DYM: variants seen among roughly 807,000 people sequenced by gnomAD.
DYM encodes the protein dymeclin, also known as dyggve-Melchior-Clausen syndrome protein.
DYM carries 78 observed loss-of-function variants against 93.1 expected under a neutral mutation model. That is an observed-to-expected ratio of 0.84 (90% CI 0.70 to 1.01). The LOEUF (loss-of-function observed/expected upper bound fraction) is 1.01. Among genes scored for constraint, DYM ranks in the 50% least tolerant of loss-of-function variants. DYM has a pLI of 0.00. For missense variants in DYM, 789 were observed against 845.0 expected (o/e 0.93, Z 0.82); for synonymous variants, 321 against 319.7 (o/e 1.00, Z -0.04).
chr18:49,446,857 G>A (rs80202074), intron 1 of DYM, among the ~76,000 whole-genome samples: 13,872 of 152,058 alleles, frequency 0.091, 850 homozygotes, highest in East Asian at 0.31. Context: ...TCAGGAGTTC[G>A]AGACCAACCT....
At chr18:49,437,073 T>C (rs1403378011) in intron 1 of DYM, among the ~76,000 whole-genome samples, 2 of 148,704 alleles carry the variant, frequency 1.3e-5, no homozygotes, top group Non-Finnish European at 2.9e-5. Flanking sequence ...TTTCTGTTTA[T>C]TTTATGTTCT....
At chr18:49,181,311 A>G (rs564459813) in intron 14 of DYM, among the ~76,000 whole-genome samples, 1 of 152,306 alleles carries the variant, frequency 6.6e-6, no homozygotes, top group Non-Finnish European at 1.5e-5. Context: ...TATGCCAATG[A>G]AAAAATCTTT....
At chr18:49,404,231 C>G (rs2071190897) in intron 2 of DYM, among the ~76,000 whole-genome samples, 2 of 152,122 alleles carry the variant, frequency 1.3e-5, no homozygotes, top group Non-Finnish European at 2.9e-5. Context: ...TGGTCTCGAA[C>G]TCCTGACCTC....
intron 6 of DYM, among the ~76,000 whole-genome samples, chr18:49,360,797 T>C (rs1433740764): frequency 1.3e-5 from 2 of 152,170 alleles, no homozygotes; most frequent in Non-Finnish European, 1.5e-5. Flanking sequence ...GATAGGTATC[T>C]ATTTTTCTCA....
At chr18:49,084,510 T>A (rs977131484) in intron 17 of DYM, among the ~76,000 whole-genome samples, 4 of 152,202 alleles carry the variant, frequency 2.6e-5, no homozygotes, top group Non-Finnish European at 4.4e-5. Context: ...ATTCTTGCTG[T>A]CTTTCTATCT....
chr18:49,164,788 A>G (rs1458055735), intron 14 of DYM, among the ~76,000 whole-genome samples: 3 of 152,228 alleles, frequency 2.0e-5, no homozygotes, highest in Non-Finnish European at 2.9e-5. Context: ...GAAGATAAAA[A>G]TCAATGAACA....
At chr18:49,370,316 C>T (rs886597553) in intron 5 of DYM, among the ~76,000 whole-genome samples, 8 of 151,324 alleles carry the variant, frequency 5.3e-5, no homozygotes, top group Non-Finnish European at 1.0e-4. Context: ...AGGACTAACT[C>T]CCTCTCTGGG....
chr18:49,289,817 A>ATATATATACACACATATG (rs1568182164), intron 8 of DYM, among the ~76,000 whole-genome samples: 22 of 134,324 alleles, frequency 1.6e-4, no homozygotes, highest in African/African-American at 6.3e-4. Context: ...ATACACATAT[A>ATATATATACACACATATG]TATTTATTTA....
At chr18:49,202,978 A>C (rs1205849565) in intron 14 of DYM, among the ~76,000 whole-genome samples, 1 of 102,676 alleles carries the variant, frequency 9.7e-6, no homozygotes, top group Non-Finnish European at 2.1e-5. Flanking sequence ...CCGCCCGGCC[A>C]GCCGTGCCAT....
At chr18:49,169,755 G>A (rs2088415024) in intron 14 of DYM, among the ~76,000 whole-genome samples, 2 of 152,136 alleles carry the variant, frequency 1.3e-5, no homozygotes, top group Admixed American at 6.5e-5. Context: ...CCACTGACCT[G>A]AGCAATGTGG....
At chr18:49,225,571 A>G (rs1344711864) in intron 13 of DYM, among the ~76,000 whole-genome samples, 1 of 152,148 alleles carries the variant, frequency 6.6e-6, no homozygotes, top group Non-Finnish European at 1.5e-5. Context: ...TCTTTACAAT[A>G]TAACATAACA....
At chr18:49,410,830 G>A (rs1050676819) in intron 2 of DYM, among the ~76,000 whole-genome samples, 6 of 151,990 alleles carry the variant, frequency 3.9e-5, no homozygotes, top group African/African-American at 1.5e-4. Context: ...TGACTTTTGT[G>A]TTATACTTTA....
At position 49,409,475 on chromosome 18, in the gene DYM, C is replaced by G. The variant is rs190077981; in HGVS notation, c.141-17830G>C. 1.8e-3 allele frequency among the ~76,000 whole-genome samples: 271 copies of G among 152,232 alleles called. 3 individuals are homozygous for G. The highest frequency in any genetic ancestry group is 0.017 in the Middle Eastern group (5 of 294). On this transcript the variant is annotated intron_variant, in intron 2 of 17. Transcript: ENST00000675505. ...AACAACCATGGCCTTGATGGTAGAT[C>G]TGCTCTCCACCACAACTCAGGGGAG...
At chr18:49,161,778 G>C (rs2087172229) in intron 15 of DYM, among the ~76,000 whole-genome samples, 2 of 152,188 alleles carry the variant, frequency 1.3e-5, no homozygotes, top group African/African-American at 2.4e-5. Context: ...CACCAGTCAG[G>C]CTGTGGCTGC....
rs373192495 is a variant in DYM, at chr18:49,256,988, T to C, written c.1460+22A>G. On this transcript the variant is annotated intron_variant, in intron 13 of 17. Transcript: ENST00000675505. ...AGCTCAGCCAGAGGCAAATCAGTAT[T>C]TCTTTTAAAGTTCATATTTACCTGA... 15 of 1,589,190 alleles carry C rather than the reference T, an allele frequency of 9.4e-6. No homozygotes were observed. The African/African-American group carries it at 1.9e-4, about 20-fold the overall frequency.
intron 15 of DYM, among the ~76,000 whole-genome samples, chr18:49,161,393 T>A (rs1334986841): frequency 6.6e-6 from 1 of 152,188 alleles, no homozygotes; most frequent in African/African-American, 2.4e-5. Flanking sequence ...TAAGGCAACA[T>A]CAGAACTTCA....
At chr18:49,278,453 C>T (rs1030122035) in intron 10 of DYM, among the ~76,000 whole-genome samples, 3 of 152,196 alleles carry the variant, frequency 2.0e-5, no homozygotes, top group Non-Finnish European at 2.9e-5. Context: ...AAGAAAGTTA[C>T]AAGCAATATA....
chr18:49,331,937 A>T lies in DYM; in HGVS notation c.690T>A (p.Pro230=). ...GCTGAGGGAAAACATGGGCCCCTGG[A>T]GGAGGTGGCTTTTCTTGTCTGATAA... is the stretch of plus-strand genomic sequence containing the variant. ...YNFIRQEKPP[P]PGAHVFPQQS... The change falls in exon 8 of 18, where the codon CCT becomes CCA. Residue 230 remains proline, a synonymous_variant. Coordinates refer to ENST00000675505, the MANE Select transcript of DYM (RefSeq NM_001353214.3). 1 of 1,614,104 alleles carries T rather than the reference A, an allele frequency of 6.2e-7. No individual in the cohort carries two copies. Among genetic ancestry groups the T allele is most frequent in the South Asian group, 1.1e-5 (1 of 91,080 alleles).
At chr18:49,106,825 G>A (rs1459840236) in intron 16 of DYM, among the ~76,000 whole-genome samples, 1 of 152,312 alleles carries the variant, frequency 6.6e-6, no homozygotes, top group Admixed American at 6.5e-5. Context: ...CTTTGTCTCT[G>A]GCTGCCCTTA....
Sources: allele counts gnomAD v4.1 joint callset (sites outside exome capture counted in the v4.1 genomes callset), GRCh38; gene constraint gnomAD v4.1.1; transcripts MANE v1.5; gene names NCBI Gene and HGNC (gene_info 2026-07-23, HGNC 2026-07-21).